The following NXPE2 variants were observed in gnomAD, a reference collection of about 807,000 sequenced individuals.
NXPE2 encodes the protein NXPE family member 2.
A neutral mutation model predicts 34.4 loss-of-function variants in NXPE2; 34 were observed. The ratio of observed to expected loss-of-function variants is 0.99; its 90% CI spans 0.75 to 1.31. The LOEUF (loss-of-function observed/expected upper bound fraction) is 1.31. NXPE2 is among the 40% of genes most tolerant of loss of function. NXPE2 has a pLI of 0.00. For synonymous variants in NXPE2, 235 were observed against 231.3 expected (o/e 1.02, Z -0.15); for missense variants, 649 against 672.5 (o/e 0.97, Z 0.39).
At chr11:114,629,520 T>C in the NXPE2 span, among the ~76,000 whole-genome samples, 1 of 151,502 alleles carries the variant, frequency 6.6e-6, no homozygotes, top group Non-Finnish European at 1.5e-5. Context: ...GGGACATATC[T>C]CAAAATAATA....
the NXPE2 span, among the ~76,000 whole-genome samples, chr11:114,610,595 G>A: frequency 3.5e-5 from 4 of 113,594 alleles, no homozygotes; most frequent in Admixed American, 9.1e-5. Context: ...GTATTGCCTC[G>A]TGGTTAACCA....
At chr11:114,623,708 C>A in the NXPE2 span, among the ~76,000 whole-genome samples, 1 of 151,958 alleles carries the variant, frequency 6.6e-6, no homozygotes, top group African/African-American at 2.4e-5. Flanking sequence ...CAGTGTTACC[C>A]GATGGATAAT....
At chr11:114,625,116 T>C in the NXPE2 span, among the ~76,000 whole-genome samples, 3 of 152,098 alleles carry the variant, frequency 2.0e-5, no homozygotes, top group Non-Finnish European at 4.4e-5. Flanking sequence ...TATTGCCTCA[T>C]GGGTAACCAC....
the NXPE2 span, among the ~76,000 whole-genome samples, chr11:114,476,660 A>G: frequency 1.3e-5 from 2 of 152,308 alleles, no homozygotes; most frequent in South Asian, 4.1e-4. Context: ...GAGTGAAAGC[A>G]AAAGGGGAAG....
At chr11:114,768,645 T>C in the NXPE2 span, among the ~76,000 whole-genome samples, 2 of 152,162 alleles carry the variant, frequency 1.3e-5, no homozygotes, top group Admixed American at 6.5e-5. Flanking sequence ...TAAGTTGTAT[T>C]CCTAGGTATT....
At chr11:114,718,144 C>T in the NXPE2 span, among the ~76,000 whole-genome samples, 20 of 152,246 alleles carry the variant, frequency 1.3e-4, no homozygotes, top group East Asian at 3.1e-3. Context: ...ATCATCCCAG[C>T]GATTAGGAAA....
At chr11:114,640,641 T>C in the NXPE2 span, among the ~76,000 whole-genome samples, 1 of 152,040 alleles carries the variant, frequency 6.6e-6, no homozygotes, top group Admixed American at 6.6e-5. Flanking sequence ...TTTTTAATAA[T>C]GGCCATTCTG....
At chr11:114,658,127 TAATCTGCA>T in the NXPE2 span, among the ~76,000 whole-genome samples, 1 of 152,122 alleles carries the variant, frequency 6.6e-6, no homozygotes. Context: ...AAAATCCGGA[TAATCTGCA>T]AAATAACTTT....
At chr11:114,539,192 CA>C in the NXPE2 span, among the ~76,000 whole-genome samples, 1 of 150,872 alleles carries the variant, frequency 6.6e-6, no homozygotes, top group African/African-American at 2.4e-5. Flanking sequence ...GACAAAAAAC[CA>C]AATACCGCAT....
At chr11:114,693,367 C>G (rs995186787) in intron 2 of NXPE2, among the ~76,000 whole-genome samples, 3 of 152,204 alleles carry the variant, frequency 2.0e-5, no homozygotes, top group Non-Finnish European at 4.4e-5. Flanking sequence ...GGTTGATGAA[C>G]TCCTGGGCTC....
chr11:114,467,149 T>C, the NXPE2 span, among the ~76,000 whole-genome samples: 2 of 152,194 alleles, frequency 1.3e-5, no homozygotes, highest in Non-Finnish European at 2.9e-5. Flanking sequence ...AAGGAAAACA[T>C]CTATCTGTAG....
intron 2 of NXPE2, among the ~76,000 whole-genome samples, chr11:114,684,120 T>A (rs924895234): frequency 1.3e-5 from 2 of 152,172 alleles, no homozygotes; most frequent in East Asian, 3.9e-4. Context: ...CTGGGAAAGA[T>A]CTGGCTTAGA....
the NXPE2 span, among the ~76,000 whole-genome samples, chr11:114,651,232 C>T: frequency 6.6e-6 from 1 of 151,930 alleles, no homozygotes; most frequent in Admixed American, 6.6e-5. Flanking sequence ...TCTGGGGTTT[C>T]TTCCTTCAGA....
chr11:114,754,691 A>G, the NXPE2 span, among the ~76,000 whole-genome samples: 50 of 151,718 alleles, frequency 3.3e-4, no homozygotes, highest in African/African-American at 1.1e-3. Flanking sequence ...GGGTATGGCA[A>G]TGCCAGGGAG....
the NXPE2 span, among the ~76,000 whole-genome samples, chr11:114,586,961 C>A: frequency 2.0e-5 from 3 of 152,108 alleles, no homozygotes; most frequent in South Asian, 6.2e-4. Context: ...CCTTCCCTCC[C>A]CACACCCCCT....
At chr11:114,694,700 A>G (rs11215155) in intron 2 of NXPE2, among the ~76,000 whole-genome samples, 37,055 of 151,882 alleles carry the variant, frequency 0.24, 4,676 homozygotes, top group East Asian at 0.43. Context: ...TATTTTTCAC[A>G]TGACTATGTT....
chr11:114,520,739 C>G, the NXPE2 span, among the ~76,000 whole-genome samples: 1 of 152,050 alleles, frequency 6.6e-6, no homozygotes, highest in Non-Finnish European at 1.5e-5. Context: ...ATGAGAGTTC[C>G]CTTTGTGTGT....
chr11:114,499,166 A>C, the NXPE2 span, among the ~76,000 whole-genome samples: 1 of 152,110 alleles, frequency 6.6e-6, no homozygotes, highest in South Asian at 2.1e-4. Context: ...TTTAGCTTAG[A>C]TTACTGTGTT....
the NXPE2 span, among the ~76,000 whole-genome samples, chr11:114,538,490 G>A: frequency 1.5e-4 from 23 of 152,154 alleles, no homozygotes; most frequent in African/African-American, 5.3e-4. Flanking sequence ...GAGTGAACAG[G>A]CAACCTACAA....
Sources: allele counts gnomAD v4.1 joint callset (sites outside exome capture counted in the v4.1 genomes callset), GRCh38; gene constraint gnomAD v4.1.1; transcripts MANE v1.5; gene names NCBI Gene and HGNC (gene_info 2026-07-23, HGNC 2026-07-21).